LCLAT1: variants seen among roughly 807,000 people sequenced by gnomAD.
The protein encoded by LCLAT1 is lysocardiolipin acyltransferase 1, also known as 1-AGP acyltransferase 8.
LCLAT1 carries 11 observed loss-of-function variants against 30.7 expected under a neutral mutation model. The ratio of observed to expected loss-of-function variants is 0.36; its 90% CI spans 0.23 to 0.59. The LOEUF (loss-of-function observed/expected upper bound fraction) is 0.59. Ranked by LOEUF, LCLAT1 falls within the 20% of genes least tolerant of loss-of-function variation. The probability of loss-of-function intolerance (pLI) is 0.77; values close to 1 mark genes in which losing one functional copy is unlikely to be tolerated. For missense variants in LCLAT1, 402 were observed against 458.6 expected, an observed-to-expected ratio of 0.88 and a Z score of 1.13; for synonymous variants, 155 against 151.3, an observed-to-expected ratio of 1.02 and a Z score of -0.18.
chr2:30,518,641 A>T (rs1252645), intron 1 of LCLAT1, among the ~76,000 whole-genome samples: 14,633 of 152,246 alleles, frequency 0.096, 751 homozygotes, highest in East Asian at 0.14. Flanking sequence ...AGGATTATCA[A>T]TGAGGCCGTT....
chr2:30,628,875 T>C (rs1668637023), intron 5 of LCLAT1, among the ~76,000 whole-genome samples: 1 of 152,166 alleles, frequency 6.6e-6, no homozygotes, highest in Non-Finnish European at 1.5e-5. Flanking sequence ...ATCCAGAAGC[T>C]ATAACAGAAA....
chr2:30,472,268 A>C (rs1682837309), intron 1 of LCLAT1, among the ~76,000 whole-genome samples: 1 of 152,228 alleles, frequency 6.6e-6, no homozygotes, highest in South Asian at 2.1e-4. Flanking sequence ...ACTGAATAGA[A>C]GATTCCACTT....
intron 5 of LCLAT1, among the ~76,000 whole-genome samples, chr2:30,638,111 G>C (rs982796022): frequency 2.6e-5 from 4 of 152,290 alleles, no homozygotes; most frequent in African/African-American, 7.2e-5. Context: ...ATTCAGTTAT[G>C]AAACCAAATT....
At chr2:30,563,571 C>G (rs768919334) in intron 4 of LCLAT1, among the ~76,000 whole-genome samples, 2 of 152,120 alleles carry the variant, frequency 1.3e-5, no homozygotes, top group Non-Finnish European at 2.9e-5. Context: ...TAAGGGAAGA[C>G]AGGCTGAAGC....
intron 1 of LCLAT1, among the ~76,000 whole-genome samples, chr2:30,486,004 T>A (rs1247153697): frequency 6.6e-6 from 1 of 152,234 alleles, no homozygotes; most frequent in Non-Finnish European, 1.5e-5. Context: ...TAAGCCTTTC[T>A]GCTCACTCCC....
chr2:30,476,569 A>G (rs1572497548), intron 1 of LCLAT1: 1 of 454,766 alleles, frequency 2.2e-6, no homozygotes, highest in Non-Finnish European at 4.4e-6. Flanking sequence ...GTCTCCTATC[A>G]TCCCCAGATA....
At chr2:30,456,687 CTG>C (rs1425768242) in intron 1 of LCLAT1, among the ~76,000 whole-genome samples, 1 of 151,960 alleles carries the variant, frequency 6.6e-6, no homozygotes, top group East Asian at 1.9e-4. Context: ...AGCTGGTTGT[CTG>C]TGGTATACGA....
Position 30,562,132 on chromosome 2 carries a change from T to A in LCLAT1, c.365-14T>A. ...TAAAATTATAGGTAAATTTTATTGT[T>A]AAATTGATTCTAGGTTGGGCCATGC... On this transcript the variant is annotated splice_polypyrimidine_tract_variant and intron_variant, in intron 3 of 5. Transcript: ENST00000379509. 1 of 1,578,422 alleles carries A rather than the reference T, an allele frequency of 6.3e-7. No individual in the cohort carries two copies. Among genetic ancestry groups the A allele is most frequent in the Non-Finnish European group, 8.6e-7 (1 of 1,156,150 alleles).
intron 5 of LCLAT1, among the ~76,000 whole-genome samples, chr2:30,621,983 A>G (rs1260629055): frequency 1.3e-5 from 2 of 152,190 alleles, no homozygotes; most frequent in East Asian, 3.9e-4. Context: ...AAAACCTGAA[A>G]GCCCTGCTTG....
chr2:30,562,360 T>A, intron 4 of LCLAT1, 68 bp downstream of exon 4: 1 of 1,278,346 alleles, frequency 7.8e-7, no homozygotes, highest in Non-Finnish European at 1.1e-6. Flanking sequence ...TCAGATGAAG[T>A]AACTGAACAC....
At chr2:30,470,628 G>A (rs1364774678) in intron 1 of LCLAT1, among the ~76,000 whole-genome samples, 4 of 152,184 alleles carry the variant, frequency 2.6e-5, no homozygotes, top group Non-Finnish European at 5.9e-5. Flanking sequence ...TTATAATTTT[G>A]CAAAGGCAGT....
intron 1 of LCLAT1, among the ~76,000 whole-genome samples, chr2:30,473,677 A>G (rs1384891599): frequency 2.0e-5 from 3 of 152,196 alleles, no homozygotes; most frequent in Non-Finnish European, 4.4e-5. Context: ...ATCTGAAACA[A>G]ATTGTGCTAT....
At chr2:30,505,265 A>T (rs1321956040) in intron 1 of LCLAT1, among the ~76,000 whole-genome samples, 1 of 151,464 alleles carries the variant, frequency 6.6e-6, no homozygotes, top group African/African-American at 2.4e-5. Context: ...ATACCACTTG[A>T]TACTCCCTCC....
chr2:30,490,122 C>T (rs981501398), intron 1 of LCLAT1, among the ~76,000 whole-genome samples: 1 of 151,698 alleles, frequency 6.6e-6, no homozygotes, highest in African/African-American at 2.4e-5. Context: ...GGAAATTTCA[C>T]AGTTATTAAG....
chr2:30,486,402 T>A lies in LCLAT1; in HGVS notation c.-5+39019T>A, dbSNP rs571246409. Among the ~76,000 whole-genome samples the A allele has an allele frequency of 2.0e-5, 3 of 152,292 alleles. No homozygotes were observed. The South Asian group carries it at 6.2e-4, about 32-fold the overall frequency. On this transcript the variant is annotated intron_variant, in intron 1 of 5. Coordinates refer to ENST00000379509, the MANE Select transcript of LCLAT1 (RefSeq NM_001002257.3). ...TTGTAGAATGGTGGAAAATTTGACA[T>A]ATATTGGGGATTGGTTTTAAGTTTA...
intron 1 of LCLAT1, among the ~76,000 whole-genome samples, chr2:30,520,099 C>T (rs1558492712): frequency 6.6e-6 from 1 of 152,174 alleles, no homozygotes; most frequent in Non-Finnish European, 1.5e-5. Flanking sequence ...CCGGGACCCA[C>T]AGCTTCTAAT....
chr2:30,502,255 T>A (rs768728417), intron 1 of LCLAT1, among the ~76,000 whole-genome samples: 1 of 152,232 alleles, frequency 6.6e-6, no homozygotes, highest in Non-Finnish European at 1.5e-5. Flanking sequence ...TGTAAGGTGA[T>A]AGGTATTCTT....
At chr2:30,474,784 G>A (rs535951536) in intron 1 of LCLAT1, among the ~76,000 whole-genome samples, 1 of 151,564 alleles carries the variant, frequency 6.6e-6, no homozygotes, top group Non-Finnish European at 1.5e-5. Context: ...GTGTAGTTGG[G>A]ATCACAGGTG....
Position 30,482,021 on chromosome 2 carries a change from C to T in LCLAT1, c.-5+34638C>T, listed in dbSNP as rs577333115. On this transcript the variant is annotated intron_variant, in intron 1 of 5. Transcript: ENST00000379509. ...AGCTGAGTATTCAATCTGTTAACTT[C>T]TAGAGAACTAGTATTATAAATAAAT... Among the ~76,000 whole-genome samples the T allele has an allele frequency of 3.3e-5, 5 of 152,256 alleles. No homozygotes were observed. The South Asian group carries it at 8.3e-4, about 25-fold the overall frequency.
Sources: gnomAD v4.1 joint callset for allele counts (sites outside exome capture counted in the v4.1 genomes callset) on GRCh38, gnomAD v4.1.1 for gene constraint, MANE v1.5 for transcripts, NCBI Gene and HGNC (gene_info 2026-07-23, HGNC 2026-07-21) for gene names.